The following ANKRD31 variants were observed in gnomAD, a reference collection of about 807,000 sequenced individuals.
The protein encoded by ANKRD31 is ankyrin repeat domain 31.
Under a neutral mutation model 186.0 loss-of-function variants are expected in ANKRD31, and 147 were observed. The observed-to-expected ratio is 0.79, with a 90% CI of 0.69 to 0.91. The LOEUF (loss-of-function observed/expected upper bound fraction) is 0.91. ANKRD31 is among the 40% of genes least tolerant of loss of function. The pLI is 0.00. For synonymous variants in ANKRD31, 673 were observed against 736.4 expected (o/e 0.91, Z 1.39); for missense variants, 1,986 against 2,148.8 (o/e 0.92, Z 1.50).
intron 23 of ANKRD31, among the ~76,000 whole-genome samples, chr5:75,088,837 CA>C (rs1406226074): frequency 1.3e-5 from 2 of 152,124 alleles, no homozygotes; most frequent in Non-Finnish European, 2.9e-5. Context: ...CTTTATAAAT[CA>C]AACAGTGCTA....
rs780675603 is a variant in ANKRD31, at chr5:75,137,924, T to G, written c.3808A>C (p.Lys1270Gln). 6.5e-7 allele frequency: 1 copy of G among 1,534,162 alleles called. No individual in the cohort carries two copies. Among genetic ancestry groups the G allele is most frequent in the Non-Finnish European group, 8.7e-7 (1 of 1,145,434 alleles). The change falls in exon 17 of 26, where the codon AAG becomes CAG. Residue 1270 changes from lysine to glutamine, a missense_variant. Transcript: ENST00000506364. ...IIVELLKAGA[K>Q]VNCENIDGIL... The stretch of plus-strand genomic sequence containing the variant: ...CCATCTATATTTTCACAATTAACCT[T>G]AGCACCAGCTTTTAATAACTCTACA...
chr5:75,068,807 CTATT>C (rs1442069111), intron 25 of ANKRD31, 143 bp from the exon 26 acceptor site: 16 of 822,806 alleles, frequency 1.9e-5, no homozygotes, highest in Admixed American at 4.0e-5. Context: ...TTCCCTCAAC[CTATT>C]TTCTGTACTC....
chr5:75,232,056 C>T (rs533145564), intron 1 of ANKRD31, among the ~76,000 whole-genome samples: 16 of 152,200 alleles, frequency 1.1e-4, no homozygotes, highest in African/African-American at 3.9e-4. Flanking sequence ...CAGGCTCCTG[C>T]TATAAGAAGA....
intron 9 of ANKRD31, among the ~76,000 whole-genome samples, chr5:75,191,963 C>T (rs945663183): frequency 6.6e-6 from 1 of 152,002 alleles, no homozygotes; most frequent in Non-Finnish European, 1.5e-5. Context: ...AAAAGACTCA[C>T]CCCTTGTTAA....
intron 11 of ANKRD31, among the ~76,000 whole-genome samples, chr5:75,162,641 T>C (rs1051917719): frequency 6.6e-6 from 1 of 152,180 alleles, no homozygotes; most frequent in Non-Finnish European, 1.5e-5. Flanking sequence ...TTTGGCTCCA[T>C]GTCCCCAGCC....
chr5:75,127,043 G>T (rs1377793082), intron 17 of ANKRD31, among the ~76,000 whole-genome samples: 2 of 152,104 alleles, frequency 1.3e-5, no homozygotes, highest in East Asian at 3.9e-4. Flanking sequence ...AAATTAGTTG[G>T]GTGTGGTGGT....
At chr5:75,172,119 A>G (rs942410152) in intron 10 of ANKRD31, among the ~76,000 whole-genome samples, 1 of 152,006 alleles carries the variant, frequency 6.6e-6, no homozygotes, top group African/African-American at 2.4e-5. Context: ...CCCCAAAATT[A>G]TAGGCCAATG....
intron 5 of ANKRD31, among the ~76,000 whole-genome samples, 157 bp downstream of exon 5, chr5:75,206,254 T>A (rs1351231814): frequency 0.023 from 38 of 1,642 alleles, 3 homozygotes; most frequent in East Asian, 0.087. Context: ...AAAAAATATA[T>A]ATATATATAT....
Position 75,192,667 on chromosome 5 carries a change from CT to C in ANKRD31, c.1407del (p.Glu470LysfsTer3), listed in dbSNP as rs1171871289. Reference sequence around the variant, plus strand: ...GAAAAATACTCAAAATATGCATCACCTTTTTTTCCTGAAAATTGTTCATTTT... The same window carrying C: ...GAAAAATACTCAAAATATGCATCACCTTTTTTCCTGAAAATTGTTCATTTT... ...IRKNEQFSGK[K>X]EKMKVNKISL... On this transcript the variant is annotated frameshift_variant and splice_region_variant, in exon 9 of 26. Transcript: ENST00000506364. LOFTEE classifies it high-confidence loss of function. The C allele has an allele frequency of 2.7e-5, 41 of 1,519,722 alleles. No individual in the cohort carries two copies. Among genetic ancestry groups the C allele is most frequent in the African/African-American group, 4.2e-5 (3 of 72,274 alleles). 94.1% of individuals were successfully genotyped at this position (1,519,722 alleles called of 1,614,324 possible). A position where few individuals can be genotyped will look rare whatever the true frequency, so the allele number is the denominator to read the frequency against.
At chr5:75,160,774 TG>T in intron 11 of ANKRD31, among the ~76,000 whole-genome samples, 1 of 152,240 alleles carries the variant, frequency 6.6e-6, no homozygotes, top group East Asian at 1.9e-4. Flanking sequence ...AATTGAATCA[TG>T]GGGGCGGTTT....
At chr5:75,120,956 A>T (rs1748719486) in intron 17 of ANKRD31, among the ~76,000 whole-genome samples, 2 of 152,058 alleles carry the variant, frequency 1.3e-5, no homozygotes, top group Non-Finnish European at 2.9e-5. Context: ...AGGCCGAGAC[A>T]GGCGGATCAT....
chr5:75,154,879 T>A (rs1164373098), intron 11 of ANKRD31, among the ~76,000 whole-genome samples: 1 of 152,102 alleles, frequency 6.6e-6, no homozygotes, highest in African/African-American at 2.4e-5. Context: ...TTACTACTGT[T>A]ACTACTTCTC....
chr5:75,171,581 AAGT>A, intron 10 of ANKRD31, among the ~76,000 whole-genome samples: 1 of 151,886 alleles, frequency 6.6e-6, no homozygotes, highest in South Asian at 2.1e-4. Context: ...AAACAAAAAT[AAGT>A]AGAAGGCAGA....
chr5:75,068,493 C>G lies in ANKRD31; in HGVS notation c.*26G>C. ...TTTGTTGGTAATTTGAACAAATATC[C>G]AATAAAATATTAAGAAACCAAGGTT... On this transcript the variant is annotated 3_prime_UTR_variant, in exon 26 of 26. Coordinates refer to ENST00000506364, the MANE Select transcript of ANKRD31 (RefSeq NM_001372053.1). 1 of 1,440,318 alleles carries G rather than the reference C, an allele frequency of 6.9e-7. No homozygotes were observed. Among genetic ancestry groups the G allele is most frequent in the Non-Finnish European group, 9.1e-7 (1 of 1,101,620 alleles). 89.2% of individuals were successfully genotyped at this position (1,440,318 alleles called of 1,614,324 possible).
chr5:75,230,318 A>G (rs754698869), intron 2 of ANKRD31, among the ~76,000 whole-genome samples: 1 of 152,198 alleles, frequency 6.6e-6, no homozygotes, highest in Non-Finnish European at 1.5e-5. Flanking sequence ...TATAGCTCAC[A>G]TTTATTTCAA....
intron 1 of ANKRD31, among the ~76,000 whole-genome samples, chr5:75,234,039 GTT>G: frequency 6.7e-6 from 1 of 148,920 alleles, no homozygotes; most frequent in South Asian, 2.1e-4. Context: ...CAAACTAAAT[GTT>G]TTGTTTTAAA....
chr5:75,216,571 T>A (rs1312251407), intron 3 of ANKRD31, among the ~76,000 whole-genome samples: 2 of 152,168 alleles, frequency 1.3e-5, no homozygotes, highest in Non-Finnish European at 2.9e-5. Context: ...CAAATATAGA[T>A]CTCTCAATTT....
rs901169125 is a variant in ANKRD31, at chr5:75,068,524, G to T, written c.5788C>A (p.Pro1930Thr). 6.7e-7 allele frequency: 1 copy of T among 1,501,932 alleles called. No homozygotes were observed. The highest frequency in any genetic ancestry group is 8.8e-7 in the Non-Finnish European group (1 of 1,132,552). 93.0% of individuals were successfully genotyped at this position (1,501,932 alleles called of 1,614,324 possible). Residue 1930 changes from proline to threonine, a missense_variant, in exon 26 of 26, where the codon CCC becomes ACC. Physicochemically the swap from Pro to Thr is conservative, Grantham distance 38. Coordinates refer to ENST00000506364, the MANE Select transcript of ANKRD31 (RefSeq NM_001372053.1). ...KFCVECEELT[P>T] ...AATATTAAGAAACCAAGGTTTTAGG[G>T]TGTTAGTTCCTCACATTCCACACAA...
At chr5:75,189,040 T>C (rs1357443698) in intron 9 of ANKRD31, among the ~76,000 whole-genome samples, 1 of 152,120 alleles carries the variant, frequency 6.6e-6, no homozygotes, top group Non-Finnish European at 1.5e-5. Flanking sequence ...TAAAATGTTA[T>C]ATTACCAAAT....
Sources: allele counts gnomAD v4.1 joint callset (sites outside exome capture counted in the v4.1 genomes callset), GRCh38; gene constraint gnomAD v4.1.1; transcripts MANE v1.5; gene names NCBI Gene and HGNC (gene_info 2026-07-23, HGNC 2026-07-21).